The following FBXW8 variants were observed in gnomAD, a reference collection of about 807,000 sequenced individuals.
FBXW8 encodes the protein F-box/WD repeat-containing protein 8.
FBXW8 carries 57 observed loss-of-function variants against 65.3 expected under a neutral mutation model. That is an observed-to-expected ratio of 0.87 (90% CI 0.71 to 1.09). The LOEUF (loss-of-function observed/expected upper bound fraction) is 1.09, where lower values mean the gene tolerates loss of function less well. Ranked by LOEUF, FBXW8 falls within the 50% of genes least tolerant of loss-of-function variation. The pLI, the probability that FBXW8 is intolerant of heterozygous loss-of-function variation, is 0.00. For missense variants in FBXW8, 777 were observed against 814.8 expected, an observed-to-expected ratio of 0.95 and a Z score of 0.57; for synonymous variants, 308 against 330.2, an observed-to-expected ratio of 0.93 and a Z score of 0.73.
intron 5 of FBXW8, among the ~76,000 whole-genome samples, chr12:116,968,888 T>C (rs1225317341): frequency 6.6e-6 from 1 of 152,208 alleles, no homozygotes; most frequent in Admixed American, 6.5e-5. Flanking sequence ...GCTTATTTTT[T>C]ATATTTTTAT....
intron 7 of FBXW8, among the ~76,000 whole-genome samples, chr12:117,007,270 A>C (rs999745740): frequency 6.6e-6 from 1 of 152,182 alleles, no homozygotes; most frequent in Non-Finnish European, 1.5e-5. Context: ...AGAAAAAAAA[A>C]AACAGATGAA....
intron 2 of FBXW8, among the ~76,000 whole-genome samples, chr12:116,938,088 G>C (rs1882289221): frequency 6.6e-6 from 1 of 151,906 alleles, no homozygotes; most frequent in South Asian, 2.1e-4. Flanking sequence ...ATTTCCTCTT[G>C]GTGGGACCCT....
At chr12:117,024,026 C>T in intron 8 of FBXW8, 121 bp from the exon 9 acceptor site, 3 of 964,528 alleles carry the variant, frequency 3.1e-6, no homozygotes, top group South Asian at 1.7e-5. Flanking sequence ...TGTTTGTTTG[C>T]AGCTGAGGAG....
At chr12:116,970,374 C>G (rs1460882926) in intron 5 of FBXW8, among the ~76,000 whole-genome samples, 1 of 152,162 alleles carries the variant, frequency 6.6e-6, no homozygotes, top group Non-Finnish European at 1.5e-5. Flanking sequence ...AGTGGCTTAT[C>G]CACCTCCGCA....
At chr12:116,923,276 A>T (rs1330336791) in intron 1 of FBXW8, among the ~76,000 whole-genome samples, 7 of 148,998 alleles carry the variant, frequency 4.7e-5, no homozygotes, top group Non-Finnish European at 7.4e-5. Context: ...GGCCCTTGGC[A>T]TTTTTTTTTT....
chr12:117,019,836 A>G (rs1954046643), intron 8 of FBXW8, among the ~76,000 whole-genome samples: 1 of 152,182 alleles, frequency 6.6e-6, no homozygotes, highest in African/African-American at 2.4e-5. Context: ...TTTCTTCTCC[A>G]AGGTAATTGT....
chr12:116,966,191 TA>T (rs776459805), intron 5 of FBXW8, among the ~76,000 whole-genome samples: 32 of 152,360 alleles, frequency 2.1e-4, no homozygotes, highest in South Asian at 1.7e-3. Context: ...GTGGTATAAT[TA>T]ATATTTCATA....
At chr12:116,937,397 A>G (rs1278340999) in intron 2 of FBXW8, among the ~76,000 whole-genome samples, 1 of 152,220 alleles carries the variant, frequency 6.6e-6, no homozygotes, top group Non-Finnish European at 1.5e-5. Context: ...CTGGTGCTCC[A>G]CAAGGATTAG....
At chr12:116,969,690 G>A (rs1315816496) in intron 5 of FBXW8, among the ~76,000 whole-genome samples, 2 of 151,780 alleles carry the variant, frequency 1.3e-5, no homozygotes, top group Non-Finnish European at 2.9e-5. Context: ...CCATTGAAAC[G>A]CCCTCGCTGG....
chr12:116,933,650 T>C (rs1881942354), intron 2 of FBXW8, among the ~76,000 whole-genome samples: 1 of 152,208 alleles, frequency 6.6e-6, no homozygotes, highest in African/African-American at 2.4e-5. Flanking sequence ...AAAATATTCT[T>C]AAACAGAACC....
chr12:117,022,358 A>ATT (rs1565946174), intron 8 of FBXW8, among the ~76,000 whole-genome samples: 123 of 152,024 alleles, frequency 8.1e-4, no homozygotes, highest in African/African-American at 2.8e-3. Context: ...AAACTATTAA[A>ATT]AAAAAAAAAA....
chr12:116,981,850 G>A (rs1405886540), intron 5 of FBXW8, among the ~76,000 whole-genome samples: 1 of 152,114 alleles, frequency 6.6e-6, no homozygotes, highest in African/African-American at 2.4e-5. Context: ...CTGACCTCAA[G>A]TGATACGCCC....
chr12:117,024,379 A>G (rs1346333068), intron 9 of FBXW8, 59 bp downstream of exon 9: 2 of 1,593,958 alleles, frequency 1.3e-6, no homozygotes, highest in African/African-American at 1.3e-5. Context: ...AGGCAGCACT[A>G]ATCAGCCTGC....
chr12:116,952,100 C>G (rs1320829316), intron 4 of FBXW8, among the ~76,000 whole-genome samples: 1 of 152,158 alleles, frequency 6.6e-6, no homozygotes, highest in African/African-American at 2.4e-5. Context: ...TTTTTCCACA[C>G]TGTTCTATTT....
Position 116,985,272 on chromosome 12 carries a change from G to A in FBXW8, c.902G>A (p.Arg301Lys), listed in dbSNP as rs746521814. The A allele has an allele frequency of 3.7e-6, 6 of 1,614,054 alleles. No individual in the cohort carries two copies. In the South Asian group the frequency reaches 5.5e-5, roughly 15 times the overall value. ...YPVHRFEHDA[R>K]IQALALSQDD... ...GTTCATCGTTTTGAGCACGATGCAA[G>A]AATACAGGCACTAGCCCTCAGCCAG... The change falls in exon 6 of 11, where the codon AGA (arginine) becomes AAA (lysine). Residue 301 changes from arginine (R) to lysine (K), a missense_variant. By Grantham distance (26) the Arg-to-Lys change is conservative. Transcript: ENST00000652555.
At chr12:117,000,531 C>G (rs76259290) in intron 7 of FBXW8, among the ~76,000 whole-genome samples, 1,943 of 152,330 alleles carry the variant, frequency 0.013, 53 homozygotes, top group African/African-American at 0.044. Flanking sequence ...CTCAGTGGGT[C>G]GAGGGTGGGG....
intron 5 of FBXW8, chr12:116,979,660 C>A (rs1885169803): frequency 6.6e-6 from 1 of 151,514 alleles, no homozygotes. Flanking sequence ...TTTTATCCAG[C>A]TATTGAGGTT....
chr12:117,015,082 G>A (rs369469935), intron 8 of FBXW8, among the ~76,000 whole-genome samples: 11 of 152,288 alleles, frequency 7.2e-5, no homozygotes, highest in East Asian at 5.8e-4. Flanking sequence ...CTTTGAGGAC[G>A]GCAGGGGCCC....
chr12:117,030,290 T>A lies in FBXW8; in HGVS notation c.*2118T>A, dbSNP rs1219787467. The A allele has an allele frequency of 6.6e-6, 1 of 152,234 alleles. No homozygotes were observed. Among genetic ancestry groups the A allele is most frequent in the East Asian group, 1.9e-4 (1 of 5,198 alleles). The allele number at this position is 152,234 out of a possible 1,614,324, so 9.4% of individuals were successfully genotyped here. ...CGCTTTCTTTCAGACCCTGCCTACCTGCAGGCAGATGGACCGGAGGGTTTT... is the reference window on the plus strand; with the variant it reads ...CGCTTTCTTTCAGACCCTGCCTACCAGCAGGCAGATGGACCGGAGGGTTTT... On this transcript the variant is annotated 3_prime_UTR_variant, in exon 11 of 11. Transcript: ENST00000652555.
Sources: gnomAD v4.1 joint callset for allele counts (sites outside exome capture counted in the v4.1 genomes callset) on GRCh38, gnomAD v4.1.1 for gene constraint, MANE v1.5 for transcripts, NCBI Gene and HGNC (gene_info 2026-07-23, HGNC 2026-07-21) for gene names.